Variants in GPC4 observed in about 807,000 individuals in gnomAD.
The protein encoded by GPC4 is glypican-4.
In GPC4, 10 loss-of-function variants were observed where a neutral mutation model predicts 35.0. The observed-to-expected ratio is 0.29, with a 90% CI of 0.18 to 0.48. The LOEUF (loss-of-function observed/expected upper bound fraction) is 0.48. Among genes scored for constraint, GPC4 ranks in the 20% least tolerant of loss-of-function variants. The pLI is 0.99. For missense variants in GPC4, 322 were observed against 451.3 expected (o/e 0.71, Z 2.60); for synonymous variants, 167 against 170.2 (o/e 0.98, Z 0.15).
chrX:133,398,398 C>T (rs1324042986), intron 1 of GPC4, among the ~76,000 whole-genome samples: 7 of 111,595 alleles, frequency 6.3e-5, no homozygotes, highest in African/African-American at 6.5e-5. Flanking sequence ...GTCAGGCATC[C>T]GAGCTAGTGT....
chrX:133,353,745 A>T (rs747407298), intron 1 of GPC4, among the ~76,000 whole-genome samples: 17 of 111,193 alleles, frequency 1.5e-4, no homozygotes, highest in Non-Finnish European at 2.8e-4. Flanking sequence ...GAAATGGGTC[A>T]AAGGAGAAAG....
intron 1 of GPC4, among the ~76,000 whole-genome samples, chrX:133,357,357 C>G (rs1399100268): frequency 1.3e-4 from 13 of 102,349 alleles, no homozygotes; most frequent in African/African-American, 4.7e-4. Context: ...GCACTCCAGC[C>G]TGGGTGACAG....
Position 133,405,383 on chromosome X carries a change from G to A in GPC4, c.160+9423C>T, listed in dbSNP as rs186797590. Among the ~76,000 whole-genome samples the A allele has an allele frequency of 3.4e-3, 380 of 111,966 alleles. 3 individuals carry two copies. The highest frequency in any genetic ancestry group is 0.012 in the African/African-American group (361 of 30,877). Reference sequence around the variant, plus strand: ...CTCCCAAAGTGCTGGGATTACAGGCGTGAGCCACCGTGCCCAGTAATGGAA... The same window carrying A: ...CTCCCAAAGTGCTGGGATTACAGGCATGAGCCACCGTGCCCAGTAATGGAA... On this transcript the variant is annotated intron_variant, in intron 1 of 8. Transcript: ENST00000370828.
rs1319997369 is a variant in GPC4 at position 133,320,977 on chromosome X, G to C, written c.711+3168C>G. Among the ~76,000 whole-genome samples, 4 of 111,873 alleles carry C rather than the reference G, an allele frequency of 3.6e-5. No individual in the cohort carries two copies. The East Asian group carries it at 1.1e-3, about 31-fold the overall frequency. ...GGATTGCTGGAGCCCAGGAGATCAA[G>C]GCTGCAGTGAGCTATGATTGTGCCA... On this transcript the variant is annotated intron_variant, in intron 3 of 8. Transcript: ENST00000370828.
chrX:133,328,267 T>C (rs1250572490), intron 2 of GPC4, among the ~76,000 whole-genome samples: 2 of 111,684 alleles, frequency 1.8e-5, no homozygotes, highest in Non-Finnish European at 3.8e-5. Flanking sequence ...GATGGATTCT[T>C]ACTAGCCCTG....
At chrX:133,329,787 A>C (rs2068410840) in intron 2 of GPC4, among the ~76,000 whole-genome samples, 1 of 111,875 alleles carries the variant, frequency 8.9e-6, no homozygotes, top group Non-Finnish European at 1.9e-5. Flanking sequence ...TTCCAGTTCT[A>C]AAATCTAATC....
chrX:133,374,966 G>A (rs1039729671), intron 1 of GPC4, among the ~76,000 whole-genome samples: 1 of 112,025 alleles, frequency 8.9e-6, no homozygotes, highest in African/African-American at 3.2e-5. Context: ...ACTCTATTAT[G>A]AGACTGTATA....
At chrX:133,342,289 G>A (rs1447823957) in intron 1 of GPC4, among the ~76,000 whole-genome samples, 1 of 110,031 alleles carries the variant, frequency 9.1e-6, no homozygotes, top group African/African-American at 3.3e-5. Context: ...CACCCGCCTC[G>A]GCCTCCCAAA....
intron 1 of GPC4, among the ~76,000 whole-genome samples, chrX:133,364,118 G>A (rs2068580490): frequency 9.0e-6 from 1 of 111,570 alleles, no homozygotes; most frequent in Non-Finnish European, 1.9e-5. Context: ...TCCACCTTTT[G>A]GCAACTGTGA....
chrX:133,389,268 A>C (rs1485954405), intron 1 of GPC4, among the ~76,000 whole-genome samples: 1 of 111,280 alleles, frequency 9.0e-6, no homozygotes, highest in Non-Finnish European at 1.9e-5. Context: ...TGCCAATTTT[A>C]ATATAAGGTA....
chrX:133,335,713 A>G (rs767267329), intron 2 of GPC4, among the ~76,000 whole-genome samples: 26 of 112,590 alleles, frequency 2.3e-4, no homozygotes, highest in Non-Finnish European at 4.7e-4. Context: ...ATTTCTGGTA[A>G]CAGAAGGCTA....
chrX:133,348,960 T>A (rs1373759509), intron 1 of GPC4, among the ~76,000 whole-genome samples: 1 of 112,416 alleles, frequency 8.9e-6, no homozygotes, highest in Non-Finnish European at 1.9e-5. Flanking sequence ...ATTCCCAGGG[T>A]TGATCACGTC....
At chrX:133,378,414 A>C (rs193135156) in intron 1 of GPC4, among the ~76,000 whole-genome samples, 103 of 107,685 alleles carry the variant, frequency 9.6e-4, no homozygotes, top group Admixed American at 2.6e-3. Flanking sequence ...AAAAAAATAC[A>C]AAAAAAACTA....
chrX:133,403,327 T>C (rs2068774077), intron 1 of GPC4, among the ~76,000 whole-genome samples: 1 of 111,361 alleles, frequency 9.0e-6, no homozygotes, highest in Admixed American at 9.6e-5. Context: ...AAGATGCTGG[T>C]AGATTGGGTT....
In GPC4 at chrX:133,317,270, G is replaced by A. The variant is rs868407269; in HGVS notation, c.712-5847C>T. 2.7e-5 allele frequency among the ~76,000 whole-genome samples: 3 copies of A among 111,212 alleles called. 1 individual carries two copies. The South Asian group carries it at 1.2e-3, about 43-fold the overall frequency. ...TAAAAGTCAGTGTGTATGTGGGGGG[G>A]AAGATGCCTCATTTCCTTCTCAACT... is the stretch of plus-strand genomic sequence containing the variant. On this transcript the variant is annotated intron_variant, in intron 3 of 8. Transcript: ENST00000370828.
At chrX:133,387,379 T>C (rs1054890150) in intron 1 of GPC4, among the ~76,000 whole-genome samples, 1 of 107,782 alleles carries the variant, frequency 9.3e-6, no homozygotes, top group Non-Finnish European at 1.9e-5. Context: ...TCTGCCAGAA[T>C]GTAAACAGTA....
intron 1 of GPC4, among the ~76,000 whole-genome samples, chrX:133,407,993 A>C (rs1289532707): frequency 8.9e-6 from 1 of 112,537 alleles, no homozygotes. Flanking sequence ...AACATTTGTT[A>C]GAGTTTCTTT....
intron 2 of GPC4, 67 bp downstream of exon 2, chrX:133,339,116 A>G: frequency 9.4e-7 from 1 of 1,061,606 alleles, no homozygotes; most frequent in Non-Finnish European, 1.3e-6. Context: ...GAGGGAGCAG[A>G]GGAGCTGTGA....
chrX:133,390,093 G>C (rs1297952834), intron 1 of GPC4, among the ~76,000 whole-genome samples: 1 of 110,708 alleles, frequency 9.0e-6, no homozygotes, highest in African/African-American at 3.3e-5. Context: ...AGAGAAGCTT[G>C]AAGTGAGAGA....
Sources: gnomAD v4.1 joint callset for allele counts (sites outside exome capture counted in the v4.1 genomes callset) on GRCh38, gnomAD v4.1.1 for gene constraint, MANE v1.5 for transcripts, NCBI Gene and HGNC (gene_info 2026-07-23, HGNC 2026-07-21) for gene names.